NEB: variants seen among roughly 807,000 people sequenced by gnomAD.
The protein encoded by NEB is nemaline myopathy type 2.
Under a neutral mutation model 952.2 loss-of-function variants are expected in NEB, and 512 were observed. The ratio of observed to expected loss-of-function variants is 0.54; its 90% CI spans 0.50 to 0.58. NEB has a LOEUF of 0.58. NEB is among the 20% of genes least tolerant of loss of function. NEB has a pLI of 0.00. For synonymous variants in NEB, 2,900 were observed against 3,149.8 expected (o/e 0.92, Z 2.66); for missense variants, 8,428 against 9,231.1 (o/e 0.91, Z 3.56).
chr2:151,529,441 A>T (rs2089092446), intron 145 of NEB, 127 bp from the exon 146 acceptor site: 1 of 676,652 alleles, frequency 1.5e-6, no homozygotes, highest in South Asian at 1.8e-5. Flanking sequence ...AATTTTAAAA[A>T]TCTGCTGTGG....
At chr2:151,715,207 A>G (rs2099755885) in intron 10 of NEB, among the ~76,000 whole-genome samples, 1 of 152,232 alleles carries the variant, frequency 6.6e-6, no homozygotes, top group South Asian at 2.1e-4. Flanking sequence ...TTGTAGCCAC[A>G]TTTTTAAATG....
At chr2:151,724,621 C>G (rs1333191213) in intron 7 of NEB, among the ~76,000 whole-genome samples, 1 of 152,232 alleles carries the variant, frequency 6.6e-6, no homozygotes, top group Non-Finnish European at 1.5e-5. Context: ...GCAGCAACAG[C>G]CTGGAGCCGA....
At position 151,663,555 on chromosome 2, in the gene NEB, T is replaced by C; in HGVS notation, c.5756A>G (p.Gln1919Arg). ...FELAKNMMQI[Q>R]SDNQYKADYA... ...AATGTGGTTTTCACGTACATCACTT[T>C]GAATCTGCATCATATTTTTGGCCAA... Residue 1919 changes from glutamine to arginine, a missense_variant, in exon 45 of 182, where the codon CAA (glutamine) becomes CGA (arginine). Gln to Arg is a conservative substitution (Grantham distance 43). This residue lies in a region of NEB where 2,851 missense variants were observed against 2,791.5 expected (regional missense o/e 1.02). Transcript: ENST00000397345. The C allele has an allele frequency of 6.2e-7, 1 of 1,607,378 alleles. No homozygotes were observed. Among genetic ancestry groups the C allele is most frequent in the South Asian group, 1.1e-5 (1 of 90,758 alleles).
chr2:151,697,643 T>A lies in NEB; in HGVS notation c.1158A>T (p.Leu386=), dbSNP rs1347524577. Residue 386 remains leucine, a synonymous_variant, in exon 14 of 182, where the codon CTA becomes CTT. Transcript: ENST00000397345. ...KAAGDALSDK[L]YKENYEKTKA... ...TTGTCTTTTCATAGTTTTCCTTGTA[T>A]AGTTTCTGTCAAAGAAAAAAAATTC... 6.2e-7 allele frequency: 1 copy of A among 1,601,098 alleles called. No homozygotes were observed. Among genetic ancestry groups the A allele is most frequent in the Non-Finnish European group, 8.5e-7 (1 of 1,176,162 alleles).
intron 55 of NEB, 21 bp downstream of exon 55, chr2:151,646,109 A>C (rs2098953826): frequency 6.6e-7 from 1 of 1,514,840 alleles, no homozygotes; most frequent in African/African-American, 1.4e-5. Flanking sequence ...CTGAAAACAC[A>C]TGCTGAATTT....
At chr2:151,730,171 T>C (rs2099802516) in intron 3 of NEB, among the ~76,000 whole-genome samples, 1 of 152,218 alleles carries the variant, frequency 6.6e-6, no homozygotes. Context: ...ATTATTCCTA[T>C]ACCCTCCTGA....
chr2:151,689,888 C>T (rs1435535593), intron 24 of NEB: 4 of 152,192 alleles, frequency 2.6e-5, no homozygotes, highest in African/African-American at 9.7e-5. Flanking sequence ...CTCCTCTTTA[C>T]TAATTGGGTA....
intron 19 of NEB, 28 bp downstream of exon 19, chr2:151,694,494 C>T (rs373238925): frequency 6.2e-6 from 10 of 1,613,572 alleles, no homozygotes; most frequent in Non-Finnish European, 7.6e-6. Flanking sequence ...CCGAAGCCAG[C>T]CTGTCCAGGT....
chr2:151,501,756 T>C (rs2064764433), intron 167 of NEB, among the ~76,000 whole-genome samples: 2 of 152,050 alleles, frequency 1.3e-5, no homozygotes, highest in South Asian at 4.2e-4. Context: ...AAGACCAGAG[T>C]ATCAAATAGC....
intron 71 of NEB, among the ~76,000 whole-genome samples, chr2:151,623,440 G>A (rs1172523236): frequency 6.6e-6 from 1 of 152,160 alleles, no homozygotes; most frequent in Non-Finnish European, 1.5e-5. Flanking sequence ...CCTAAAAAGT[G>A]TGATACAAAT....
chr2:151,617,501 G>A (rs1210162278), intron 74 of NEB, 33 bp from the exon 75 acceptor site: 13 of 1,291,584 alleles, frequency 1.0e-5, no homozygotes, highest in African/African-American at 1.5e-5. Flanking sequence ...GAGAGAGAGA[G>A]AGAAAAATTA....
In NEB at chr2:151,508,013, A is replaced by T; in HGVS notation, c.23443T>A (p.Phe7815Ile). 2 of 1,606,042 alleles carry T rather than the reference A, an allele frequency of 1.2e-6. No individual in the cohort carries two copies. Among genetic ancestry groups the T allele is most frequent in the East Asian group, 2.2e-5 (1 of 44,798 alleles). Reference sequence around the variant, plus strand: ...ATTTAATAAAAACTTACAAGGCTGAAGTTCTTTTGGTTCTCCCGGACTCTC... The same window carrying T: ...ATTTAATAAAAACTTACAAGGCTGATGTTCTTTTGGTTCTCCCGGACTCTC... ...IQRVRENQKN[F>I]SLLQYQCDLK... The change falls in exon 162 of 182, where the codon TTC becomes ATC. Residue 7815 changes from phenylalanine to isoleucine, a missense_variant. Phe to Ile is a conservative substitution (Grantham distance 21). Around this residue, in one of 11 missense-constraint regions of NEB, gnomAD observed 3,374 missense variants for 3,651.5 expected, o/e 0.92. Transcript: ENST00000397345.
At chr2:151,652,801 G>T (rs1278060429) in intron 52 of NEB, among the ~76,000 whole-genome samples, 1 of 152,088 alleles carries the variant, frequency 6.6e-6, no homozygotes, top group African/African-American at 2.4e-5. Context: ...GAATTAATGG[G>T]TTCACACAAA....
intron 72 of NEB, among the ~76,000 whole-genome samples, chr2:151,620,496 G>T (rs1471820568): frequency 6.6e-6 from 1 of 151,132 alleles, no homozygotes; most frequent in Non-Finnish European, 1.5e-5. Context: ...CATTTTTAGG[G>T]TAAAGAAATA....
In NEB at chr2:151,678,199, A is replaced by C; in HGVS notation, c.3256-12T>G. 1 of 1,533,142 alleles carries C rather than the reference A, an allele frequency of 6.5e-7. No individual in the cohort carries two copies. Among genetic ancestry groups the C allele is most frequent in the South Asian group, 1.3e-5 (1 of 79,492 alleles). The allele number at this position is 1,533,142 out of a possible 1,614,324, so 95.0% of individuals were successfully genotyped here. Reference sequence around the variant, plus strand: ...TTTTTGTACTGAACCTATTGTAAACAAAGGTGGGCATAATTTAAAATGTAG... The same window carrying C: ...TTTTTGTACTGAACCTATTGTAAACCAAGGTGGGCATAATTTAAAATGTAG... On this transcript the variant is annotated splice_polypyrimidine_tract_variant and intron_variant, in intron 32 of 181. Coordinates refer to ENST00000397345, the MANE Select transcript of NEB (RefSeq NM_001164508.2).
In NEB at chr2:151,688,392, T is replaced by C. The variant is rs777853399; in HGVS notation, c.2315A>G (p.Asn772Ser). The C allele has an allele frequency of 6.2e-7, 1 of 1,612,916 alleles. No homozygotes were observed. Among genetic ancestry groups the C allele is most frequent in the Non-Finnish European group, 8.5e-7 (1 of 1,179,028 alleles). Residue 772 changes from asparagine (N) to serine (S), a missense_variant, in exon 25 of 182, where the codon AAT (asparagine) becomes AGT (serine). Asn to Ser is a conservative substitution (Grantham distance 46, BLOSUM62 1). This residue lies in a region of NEB where 2,851 missense variants were observed against 2,791.5 expected (regional missense o/e 1.02). Transcript: ENST00000397345. ...CTCACCTTCATGTTTTGCTTTGTAA[T>C]TCAGCTGAAAAACAAAGGATATTTG... ...QLNTKQLSDLNYKAKHEGEKF... is the reference protein window; with the variant it reads ...QLNTKQLSDLSYKAKHEGEKF...
Position 151,581,587 on chromosome 2 carries a change from G to T in NEB, c.16180C>A (p.Pro5394Thr). 1 of 690,578 alleles carries T rather than the reference G, an allele frequency of 1.4e-6. No individual in the cohort carries two copies. The highest frequency in any genetic ancestry group is 2.5e-6 in the Non-Finnish European group (1 of 399,870). The allele number at this position is 690,578 out of a possible 1,614,324, so 42.8% of individuals were successfully genotyped here. ...TTCTCCCAGGCATCGCGATACAATG[G>T]CTGGGAAAAATGAAAAACGATGGAA... is the stretch of plus-strand genomic sequence containing the variant. ...AKINAVQISE[P>T]LYRDAWEKEK... is the part of the protein sequence containing the mutation. The change falls in exon 103 of 182, where the codon CCA becomes ACA. Residue 5394 changes from proline to threonine, a missense_variant and splice_region_variant. Coordinates refer to ENST00000397345, the MANE Select transcript of NEB (RefSeq NM_001164508.2).
intron 153 of NEB, among the ~76,000 whole-genome samples, chr2:151,521,382 C>T (rs2081892708): frequency 2.0e-5 from 3 of 152,134 alleles, no homozygotes; most frequent in Non-Finnish European, 2.9e-5. Flanking sequence ...TACAATGGCT[C>T]TTCTCTGAAA....
intron 136 of NEB, 113 bp downstream of exon 136, chr2:151,541,334 G>A (rs1405901872): frequency 1.4e-6 from 1 of 709,124 alleles, no homozygotes; most frequent in Non-Finnish European, 2.4e-6. Flanking sequence ...TGGGCATGAG[G>A]TTGCAGCCAG....
Sources: gnomAD v4.1 joint callset for allele counts (sites outside exome capture counted in the v4.1 genomes callset) on GRCh38, gnomAD v4.1.1 for gene constraint, gnomAD v4.1.1 regional missense constraint, MANE v1.5 for transcripts, NCBI Gene and HGNC (gene_info 2026-07-23, HGNC 2026-07-21) for gene names.